The following CYP20A1 variants were observed in gnomAD, a reference collection of about 807,000 sequenced individuals.
The protein encoded by CYP20A1 is cytochrome P450 family 20 subfamily A member 1.
CYP20A1 carries 61 observed loss-of-function variants against 61.4 expected under a neutral mutation model. The ratio of observed to expected loss-of-function variants is 0.99; its 90% CI spans 0.81 to 1.23. CYP20A1 has a LOEUF of 1.23. CYP20A1 is among the 50% of genes most tolerant of loss of function. The pLI is 0.00. For synonymous variants in CYP20A1, 193 were observed against 188.2 expected, an observed-to-expected ratio of 1.03 and a Z score of -0.21; for missense variants, 530 against 542.4, an observed-to-expected ratio of 0.98 and a Z score of 0.23.
intron 9 of CYP20A1, among the ~76,000 whole-genome samples, chr2:203,288,415 C>G (rs1209766063): frequency 6.6e-6 from 1 of 152,044 alleles, no homozygotes; most frequent in Non-Finnish European, 1.5e-5. Flanking sequence ...GTAGCTGCTC[C>G]TACCTTATAT....
intron 7 of CYP20A1, among the ~76,000 whole-genome samples, chr2:203,279,450 T>C (rs2067957319): frequency 6.6e-6 from 1 of 152,186 alleles, no homozygotes; most frequent in Non-Finnish European, 1.5e-5. Context: ...CTTGACCAGG[T>C]GTGGCAGTGT....
In CYP20A1 at chr2:203,285,706, T is replaced by C. The variant is rs1231395549; in HGVS notation, c.945T>C (p.Val315=). ...EINQVFGNGP[V]TPEKIEQLRY... ...ACCAAGTTTTTGGAAATGGTCCTGTTACTCCAGAGAAAATTGAGCAGCTCA... is the reference window on the plus strand; with the variant it reads ...ACCAAGTTTTTGGAAATGGTCCTGTCACTCCAGAGAAAATTGAGCAGCTCA... The change falls in exon 9 of 13, where the codon GTT becomes GTC. Residue 315 remains valine (V), a synonymous_variant. Coordinates refer to ENST00000356079, the MANE Select transcript of CYP20A1 (RefSeq NM_177538.3). 6.2e-7 allele frequency: 1 copy of C among 1,600,574 alleles called. No homozygotes were observed. The highest frequency in any genetic ancestry group is 8.5e-7 in the Non-Finnish European group (1 of 1,177,304).
intron 11 of CYP20A1, among the ~76,000 whole-genome samples, chr2:203,294,258 A>C (rs1254929250): frequency 6.6e-6 from 1 of 151,904 alleles, no homozygotes; most frequent in Admixed American, 6.6e-5. Context: ...TATGAAAAAT[A>C]ATGGGCTGGG....
chr2:203,263,558 A>C lies in CYP20A1; in HGVS notation c.433-2956A>C, dbSNP rs372512945. 7.3e-5 allele frequency among the ~76,000 whole-genome samples: 11 copies of C among 151,666 alleles called. No homozygotes were observed. In the East Asian group the frequency reaches 1.9e-3, roughly 27 times the overall value. On this transcript the variant is annotated intron_variant, in intron 4 of 12. Transcript: ENST00000356079. ...CCGCCTCGGCCCCCCAAAATGCTGG[A>C]ATTACCGGCGTGAGCCACCGCTCCC...
At chr2:203,283,127 G>A (rs2068110311) in intron 8 of CYP20A1, among the ~76,000 whole-genome samples, 1 of 149,960 alleles carries the variant, frequency 6.7e-6, no homozygotes, top group Non-Finnish European at 1.5e-5. Flanking sequence ...AGTGAGCTGT[G>A]ATCACTACCA....
intron 3 of CYP20A1, among the ~76,000 whole-genome samples, chr2:203,250,298 C>T (rs72938303): frequency 2.1e-4 from 32 of 152,342 alleles, no homozygotes; most frequent in Middle Eastern, 3.4e-3. Context: ...TATCTCAGCA[C>T]TATTCCAAGC....
At chr2:203,286,537 A>G in intron 9 of CYP20A1, among the ~76,000 whole-genome samples, 1 of 152,206 alleles carries the variant, frequency 6.6e-6, no homozygotes, top group Non-Finnish European at 1.5e-5. Flanking sequence ...CCGTATCAAT[A>G]CACACAACAA....
intron 9 of CYP20A1, among the ~76,000 whole-genome samples, chr2:203,288,266 A>G (rs1169204979): frequency 6.6e-6 from 1 of 150,582 alleles, no homozygotes; most frequent in African/African-American, 2.4e-5. Flanking sequence ...GGGTTTTACC[A>G]TGTTGGCCAG....
intron 4 of CYP20A1, among the ~76,000 whole-genome samples, chr2:203,262,059 A>T (rs1416226888): frequency 1.3e-5 from 2 of 152,146 alleles, no homozygotes; most frequent in Non-Finnish European, 2.9e-5. Context: ...AAAGCTTCAG[A>T]CATCACAGTG....
At chr2:203,265,836 G>A (rs540413960) in intron 4 of CYP20A1, among the ~76,000 whole-genome samples, 10 of 152,064 alleles carry the variant, frequency 6.6e-5, no homozygotes, top group South Asian at 2.1e-4. Context: ...GATTACAGGC[G>A]TGCACCACCA....
At chr2:203,264,642 A>G (rs1443663844) in intron 4 of CYP20A1, among the ~76,000 whole-genome samples, 1 of 152,136 alleles carries the variant, frequency 6.6e-6, no homozygotes, top group African/African-American at 2.4e-5. Flanking sequence ...TCTGATGCAC[A>G]TGGGTTTAAA....
At chr2:203,242,685 G>A (rs2066296331) in intron 1 of CYP20A1, among the ~76,000 whole-genome samples, 1 of 151,960 alleles carries the variant, frequency 6.6e-6, no homozygotes, top group African/African-American at 2.4e-5. Flanking sequence ...CAGCTACTTG[G>A]GAGGCTGAAG....
At chr2:203,291,576 T>A (rs1249587787) in intron 10 of CYP20A1, among the ~76,000 whole-genome samples, 1 of 152,196 alleles carries the variant, frequency 6.6e-6, no homozygotes, top group East Asian at 1.9e-4. Flanking sequence ...ATTTTTCTAG[T>A]GAGCTTATAT....
chr2:203,268,893 T>C (rs1170748062), intron 5 of CYP20A1, among the ~76,000 whole-genome samples: 1 of 152,106 alleles, frequency 6.6e-6, no homozygotes, highest in Non-Finnish European at 1.5e-5. Context: ...AATAACCAAT[T>C]TGTGAATTCA....
At chr2:203,269,279 ATTT>A (rs528970568) in intron 5 of CYP20A1, among the ~76,000 whole-genome samples, 2 of 125,294 alleles carry the variant, frequency 1.6e-5, no homozygotes, top group African/African-American at 2.9e-5. Flanking sequence ...CCTGTCTCCA[ATTT>A]TTTTTTTTTT....
At chr2:203,253,953 T>C (rs2066797788) in intron 4 of CYP20A1, among the ~76,000 whole-genome samples, 1 of 152,072 alleles carries the variant, frequency 6.6e-6, no homozygotes, top group African/African-American at 2.4e-5. Flanking sequence ...TCTTTCTTTT[T>C]TTCTTTTTTT....
chr2:203,274,749 A>G (rs1051698484), intron 6 of CYP20A1, among the ~76,000 whole-genome samples: 3 of 152,144 alleles, frequency 2.0e-5, no homozygotes, highest in Non-Finnish European at 4.4e-5. Flanking sequence ...AAAAGAAAAA[A>G]AAAAGCCAGT....
rs142841754 is a variant in CYP20A1 at position 203,300,032 on chromosome 2, T to A, written c.*3124T>A. On this transcript the variant is annotated 3_prime_UTR_variant, in exon 13 of 13. Transcript: ENST00000356079. ...AGAAGGTTAGAGTAGCCAATTGATATGTAAACCAAGTGTCAGATCAGATGA... is the reference window on the plus strand; with the variant it reads ...AGAAGGTTAGAGTAGCCAATTGATAAGTAAACCAAGTGTCAGATCAGATGA... Among the ~76,000 whole-genome samples the A allele has an allele frequency of 6.6e-6, 1 of 152,192 alleles. No homozygotes were observed. Among genetic ancestry groups the A allele is most frequent in the Non-Finnish European group, 1.5e-5 (1 of 68,032 alleles).
chr2:203,248,628 T>C (rs1352918015), intron 3 of CYP20A1, among the ~76,000 whole-genome samples: 2 of 152,140 alleles, frequency 1.3e-5, no homozygotes, highest in African/African-American at 4.8e-5. Context: ...ATGATAAAGA[T>C]AGCATTTTAT....
Sources: allele counts gnomAD v4.1 joint callset (sites outside exome capture counted in the v4.1 genomes callset), GRCh38; gene constraint gnomAD v4.1.1; transcripts MANE v1.5; gene names NCBI Gene and HGNC (gene_info 2026-07-23, HGNC 2026-07-21).